The following ATRN variants were observed in gnomAD, a reference collection of about 807,000 sequenced individuals.
ATRN encodes the protein attractin.
A neutral mutation model predicts 178.7 loss-of-function variants in ATRN; 54 were observed. That is an observed-to-expected ratio of 0.30 (90% CI 0.24 to 0.38). ATRN has a LOEUF of 0.38. Among genes scored for constraint, ATRN ranks in the 10% least tolerant of loss-of-function variants. The pLI is 1.00. For missense variants in ATRN, 1,443 were observed against 1,815.1 expected, an observed-to-expected ratio of 0.79 and a Z score of 3.73; for synonymous variants, 636 against 663.0, an observed-to-expected ratio of 0.96 and a Z score of 0.63.
chr20:3,484,872 CTAAT>C lies in ATRN; in HGVS notation c.410+13357_410+13360del, dbSNP rs1190749952. Among the ~76,000 whole-genome samples the C allele has an allele frequency of 8.0e-5, 12 of 150,908 alleles. No individual in the cohort carries two copies. The East Asian group carries it at 1.9e-3, about 24-fold the overall frequency. On this transcript the variant is annotated intron_variant, in intron 1 of 28. Transcript: ENST00000262919. ...TAGAGAATTTTGTTATTACTAGAAA[CTAAT>C]TGATTACTATAGTACCTAGGAATGG...
At chr20:3,521,272 C>T (rs988526224) in intron 1 of ATRN, among the ~76,000 whole-genome samples, 15 of 151,884 alleles carry the variant, frequency 9.9e-5, no homozygotes, top group Admixed American at 8.5e-4. Flanking sequence ...CATCAAACCT[C>T]GGCAACACGC....
intron 1 of ATRN, among the ~76,000 whole-genome samples, chr20:3,491,719 T>C (rs2084796471): frequency 6.6e-6 from 1 of 152,238 alleles, no homozygotes; most frequent in African/African-American, 2.4e-5. Flanking sequence ...GTGTTTTCTT[T>C]ATTCCCATTT....
At chr20:3,527,726 G>C (rs2085387935) in intron 1 of ATRN, among the ~76,000 whole-genome samples, 1 of 152,180 alleles carries the variant, frequency 6.6e-6, no homozygotes, top group African/African-American at 2.4e-5. Context: ...ATACACCATG[G>C]AATACTGTGC....
At chr20:3,521,611 A>G (rs1273360976) in intron 1 of ATRN, among the ~76,000 whole-genome samples, 1 of 152,252 alleles carries the variant, frequency 6.6e-6, no homozygotes, top group Non-Finnish European at 1.5e-5. Context: ...TAAGAAGGTT[A>G]TAGAAGACTT....
chr20:3,602,674 A>C (rs904950798), intron 23 of ATRN, among the ~76,000 whole-genome samples: 13 of 152,044 alleles, frequency 8.6e-5, no homozygotes, highest in Admixed American at 2.0e-4. Context: ...CATGTGAAAG[A>C]TTTGCAATGA....
rs1449556651 is a variant in ATRN at position 3,572,923 on chromosome 20, G to A, written c.2064G>A (p.Lys688=). ...TGGCAACTGATGAACAAGAAGAAAA[G>A]TTAAAATCAGAATGTTTTTCCAAAA... ...WALATDEQEE[K]LKSECFSKRT... is the part of the protein sequence containing the mutation. Residue 688 remains lysine, a synonymous_variant, in exon 12 of 29, where the codon AAG becomes AAA. Coordinates refer to ENST00000262919, the MANE Select transcript of ATRN (RefSeq NM_139321.3). 1 of 1,613,810 alleles carries A rather than the reference G, an allele frequency of 6.2e-7. No homozygotes were observed. Among genetic ancestry groups the A allele is most frequent in the African/African-American group, 1.3e-5 (1 of 74,970 alleles).
rs2086994868 is a variant in ATRN, at chr20:3,632,234, C to T, written c.3864-2077C>T. 2.6e-5 allele frequency among the ~76,000 whole-genome samples: 4 copies of T among 152,230 alleles called. No homozygotes were observed. The South Asian group carries it at 8.3e-4, about 32-fold the overall frequency. Reference sequence around the variant, plus strand: ...CTTCCACAGCTCTGGTTTGAGCCACCATCATCTCACCTAGACTGCTGGTCT... The same window carrying T: ...CTTCCACAGCTCTGGTTTGAGCCACTATCATCTCACCTAGACTGCTGGTCT... On this transcript the variant is annotated intron_variant, in intron 25 of 28. Coordinates refer to ENST00000262919, the MANE Select transcript of ATRN (RefSeq NM_139321.3). The surrounding 1 kb of genome is among the most constrained non-coding windows in gnomAD (Gnocchi z 4.2).
At chr20:3,590,085 G>T (rs1336060006) in intron 18 of ATRN, among the ~76,000 whole-genome samples, 1 of 152,156 alleles carries the variant, frequency 6.6e-6, no homozygotes, top group Non-Finnish European at 1.5e-5. Flanking sequence ...AAGTAGCTGG[G>T]ATTACAGGCA....
At chr20:3,587,095 A>G (rs2086368667) in intron 18 of ATRN, among the ~76,000 whole-genome samples, 1 of 152,062 alleles carries the variant, frequency 6.6e-6, no homozygotes, top group Non-Finnish European at 1.5e-5. Flanking sequence ...CTTTTTTATT[A>G]TTGAGTTGTA....
chr20:3,526,343 A>G (rs540459616), intron 1 of ATRN, among the ~76,000 whole-genome samples: 34 of 152,318 alleles, frequency 2.2e-4, no homozygotes, highest in East Asian at 7.7e-4. Flanking sequence ...CCCATTCACA[A>G]TTGCTACAAA....
In ATRN at chr20:3,644,205, G is replaced by T. The variant is rs1314227292; in HGVS notation, c.4102G>T (p.Val1368Phe). 6.2e-7 allele frequency: 1 copy of T among 1,614,198 alleles called. No individual in the cohort carries two copies. The highest frequency in any genetic ancestry group is 8.5e-7 in the Non-Finnish European group (1 of 1,180,026). ...LEPCFGNKAA[V>F]LSVFVRLPRG... is the part of the protein sequence containing the mutation. ...GCCGTGTTTTGGCAACAAAGCCGCT[G>T]TCCTCTCTGTGTTTGTGAGGCTCCC... Residue 1368 changes from valine to phenylalanine, a missense_variant, in exon 28 of 29, where the codon GTC becomes TTC. Coordinates refer to ENST00000262919, the MANE Select transcript of ATRN (RefSeq NM_139321.3).
chr20:3,561,379 C>T (rs2085950974), intron 8 of ATRN, among the ~76,000 whole-genome samples: 1 of 152,080 alleles, frequency 6.6e-6, no homozygotes, highest in Non-Finnish European at 1.5e-5. Context: ...GATGTATTAC[C>T]AGTGAAATGC....
In ATRN at chr20:3,471,417, C is replaced by T; in HGVS notation, c.310C>T (p.Pro104Ser). ...AAAEAKECDR[P>S]CVNGGRCNPG... ...AGCCGAGGCCAAGGAATGTGACCGG[C>T]CCTGTGTCAACGGCGGTCGCTGCAA... Residue 104 changes from proline to serine, a missense_variant, in exon 1 of 29, where the codon CCC (proline) becomes TCC (serine). This residue lies in a region of ATRN where 862 missense variants were observed against 972.1 expected (regional missense o/e 0.89). Coordinates refer to ENST00000262919, the MANE Select transcript of ATRN (RefSeq NM_139321.3). 1 of 1,479,096 alleles carries T rather than the reference C, an allele frequency of 6.8e-7. No individual in the cohort carries two copies. The highest frequency in any genetic ancestry group is 8.9e-7 in the Non-Finnish European group (1 of 1,123,728). The allele number at this position is 1,479,096 out of a possible 1,614,324, so 91.6% of individuals were successfully genotyped here. A position where few individuals can be genotyped will look rare whatever the true frequency, so the allele number is the denominator to read the frequency against.
At chr20:3,564,479 G>C (rs1202203109) in intron 10 of ATRN, among the ~76,000 whole-genome samples, 1 of 152,202 alleles carries the variant, frequency 6.6e-6, no homozygotes, top group Admixed American at 6.5e-5. Flanking sequence ...CAAAGAGTGA[G>C]ACACTGAGTG....
At chr20:3,592,834 TTAG>T (rs776044721) in intron 19 of ATRN, among the ~76,000 whole-genome samples, 16 of 152,188 alleles carry the variant, frequency 1.1e-4, no homozygotes, top group Non-Finnish European at 2.4e-4. Flanking sequence ...TAGTCAATAC[TTAG>T]TAGATGTGGG....
intron 27 of ATRN, 68 bp downstream of exon 27, chr20:3,639,003 C>G (rs111689600): frequency 4.7e-6 from 6 of 1,278,388 alleles, no homozygotes; most frequent in African/African-American, 1.5e-5. Flanking sequence ...GTCTGGGAAA[C>G]CAGAGAGAGC....
chr20:3,579,250 C>T (rs1015402359), intron 15 of ATRN, among the ~76,000 whole-genome samples: 3 of 152,134 alleles, frequency 2.0e-5, no homozygotes, highest in Non-Finnish European at 4.4e-5. Flanking sequence ...CTTTGGGAGG[C>T]TGAGGTGGGT....
At chr20:3,490,598 C>G (rs1218005824) in intron 1 of ATRN, 6 of 1,043,826 alleles carry the variant, frequency 5.7e-6, no homozygotes, top group South Asian at 5.0e-5. Context: ...TCACGGAGAT[C>G]GAGGTAACGA....
intron 24 of ATRN, among the ~76,000 whole-genome samples, chr20:3,606,196 G>C (rs946257615): frequency 6.6e-6 from 1 of 152,136 alleles, no homozygotes; most frequent in African/African-American, 2.4e-5. Context: ...TCACACATCT[G>C]CTCACAATGG....
Sources: allele counts gnomAD v4.1 joint callset (sites outside exome capture counted in the v4.1 genomes callset), GRCh38; gene constraint gnomAD v4.1.1; regional missense constraint gnomAD v4.1.1; non-coding constraint Gnocchi (gnomAD v3.1); transcripts MANE v1.5; gene names NCBI Gene and HGNC (gene_info 2026-07-23, HGNC 2026-07-21).